Variants in ELP4 observed in about 807,000 individuals in gnomAD.
The protein encoded by ELP4 is elongator complex protein 4.
A neutral mutation model predicts 48.9 loss-of-function variants in ELP4; 51 were observed. The observed-to-expected ratio is 1.04, with a 90% confidence interval of 0.83 to 1.32. ELP4 has a LOEUF of 1.32. ELP4 is among the 40% of genes most tolerant of loss of function. The probability of loss-of-function intolerance (pLI) is 0.00; values close to 1 mark genes in which losing one functional copy is unlikely to be tolerated. For synonymous variants in ELP4, 210 were observed against 189.2 expected (o/e 1.11, Z -0.90); for missense variants, 519 against 514.6 (o/e 1.01, Z -0.08).
chr11:31,705,495 T>C (rs1462391370), intron 9 of ELP4, among the ~76,000 whole-genome samples: 1 of 152,240 alleles, frequency 6.6e-6, no homozygotes, highest in Non-Finnish European at 1.5e-5. Flanking sequence ...CTAGGAACTT[T>C]GGATTGCGAC....
At chr11:31,728,416 C>T (rs1261832349) in intron 9 of ELP4, among the ~76,000 whole-genome samples, 3 of 152,062 alleles carry the variant, frequency 2.0e-5, no homozygotes, top group Non-Finnish European at 4.4e-5. Flanking sequence ...TATATAGATA[C>T]TATTAGAAAG....
intron 2 of ELP4, among the ~76,000 whole-genome samples, chr11:31,536,750 T>C (rs1956508235): frequency 6.6e-6 from 1 of 152,248 alleles, no homozygotes; most frequent in Non-Finnish European, 1.5e-5. Context: ...TGAACATCTT[T>C]TAATATGTTT....
intron 9 of ELP4, among the ~76,000 whole-genome samples, chr11:31,710,258 A>G (rs1376900045): frequency 6.6e-6 from 1 of 152,204 alleles, no homozygotes; most frequent in Non-Finnish European, 1.5e-5. Context: ...AAAATGAACA[A>G]GATTTGTATG....
At chr11:31,672,517 C>T (rs970146958) in intron 9 of ELP4, among the ~76,000 whole-genome samples, 2 of 152,184 alleles carry the variant, frequency 1.3e-5, no homozygotes, top group Non-Finnish European at 2.9e-5. Flanking sequence ...AAGCCAAGCA[C>T]GGTGGTTCCC....
chr11:31,533,368 C>CTTTTTTTTTTTTTTTTTTTTT lies in ELP4; in HGVS notation c.260-6287_260-6267dup, dbSNP rs71060492. Among the ~76,000 whole-genome samples, 185 of 50,476 alleles carry CTTTTTTTTTTTTTTTTTTTTT rather than the reference C, an allele frequency of 3.7e-3. 33 individuals are homozygous for CTTTTTTTTTTTTTTTTTTTTT. Among genetic ancestry groups the CTTTTTTTTTTTTTTTTTTTTT allele is most frequent in the African/African-American group, 4.6e-3 (55 of 11,900 alleles). The allele number at this position is 50,476 out of a possible 152,430, so 33.1% of individuals were successfully genotyped here. The stretch of plus-strand genomic sequence containing the variant: ...GTGTTGCTGCAAAAGCCATCTCATT[C>CTTTTTTTTTTTTTTTTTTTTT]TTTTTTTTTTTTTTTTTTTTTTTTT... On this transcript the variant is annotated intron_variant, in intron 2 of 9. Coordinates refer to ENST00000640961, the MANE Select transcript of ELP4 (RefSeq NM_019040.5).
chr11:31,766,649 T>TA (rs1166073122), intron 9 of ELP4, among the ~76,000 whole-genome samples: 3 of 152,034 alleles, frequency 2.0e-5, no homozygotes, highest in Admixed American at 1.3e-4. Flanking sequence ...ACAAGACAGG[T>TA]AATAGATTTA....
At chr11:31,567,294 C>T (rs1228854653) in intron 3 of ELP4, among the ~76,000 whole-genome samples, 1 of 152,156 alleles carries the variant, frequency 6.6e-6, no homozygotes, top group East Asian at 1.9e-4. Flanking sequence ...ACATTGACAT[C>T]CATCCTGCAA....
chr11:31,657,500 T>C (rs964111), intron 9 of ELP4, among the ~76,000 whole-genome samples: 24,687 of 152,006 alleles, frequency 0.16, 2,206 homozygotes, highest in East Asian at 0.3. Context: ...ATCCTGAGTA[T>C]GTGTAATAGG....
In ELP4 at chr11:31,776,508, G is replaced by A. The variant is rs149830983; in HGVS notation, c.1144-6885G>A. Among the ~76,000 whole-genome samples the A allele has an allele frequency of 5.3e-5, 8 of 152,352 alleles. No homozygotes were observed. The East Asian group carries it at 1.5e-3, about 29-fold the overall frequency. ...AGAAATTCTTGTACTCTCTGAAAAG[G>A]AGAATAGATTTTGGGAGTAAACTGG... On this transcript the variant is annotated intron_variant, in intron 9 of 9. Transcript: ENST00000640961.
chr11:31,681,741 C>CA (rs1554970041), intron 9 of ELP4: 1 of 141,946 alleles, frequency 7.0e-6, no homozygotes, highest in Non-Finnish European at 1.5e-5. Flanking sequence ...TATTTCTTTC[C>CA]TTTTTTTTTT....
intron 9 of ELP4, among the ~76,000 whole-genome samples, chr11:31,672,052 T>A (rs1945821186): frequency 6.6e-6 from 1 of 151,768 alleles, no homozygotes; most frequent in East Asian, 1.9e-4. Context: ...AGAAGGTCGA[T>A]GAGGGGGCTG....
At position 31,682,633 on chromosome 11, in the gene ELP4, G is replaced by A. The variant is rs1228579233; in HGVS notation, c.1143+32412G>A. 6.6e-5 allele frequency among the ~76,000 whole-genome samples: 10 copies of A among 152,110 alleles called. No individual in the cohort carries two copies. The East Asian group carries it at 7.7e-4, about 12-fold the overall frequency. On this transcript the variant is annotated intron_variant, in intron 9 of 9. Transcript: ENST00000640961. ...AGTATAAGAAATACTACCATGTGCC[G>A]GGCCTTTTGTGAATATACAAATATG...
At chr11:31,528,796 G>A (rs1473720584) in intron 2 of ELP4, among the ~76,000 whole-genome samples, 1 of 152,032 alleles carries the variant, frequency 6.6e-6, no homozygotes, top group Non-Finnish European at 1.5e-5. Flanking sequence ...ATGACTTTTA[G>A]GTACTAGTGA....
chr11:31,669,936 A>G (rs1182714262), intron 9 of ELP4, among the ~76,000 whole-genome samples: 4 of 152,106 alleles, frequency 2.6e-5, no homozygotes, highest in Admixed American at 1.3e-4. Context: ...ATCAACCTAG[A>G]ATTGTTTTTC....
intron 9 of ELP4, chr11:31,662,739 G>A (rs907791443): frequency 2.5e-6 from 1 of 392,364 alleles, no homozygotes; most frequent in African/African-American, 2.1e-5. Context: ...GTCATTTGCT[G>A]TGTAATTTGC....
At chr11:31,674,976 A>T (rs944778607) in intron 9 of ELP4, among the ~76,000 whole-genome samples, 1 of 152,060 alleles carries the variant, frequency 6.6e-6, no homozygotes, top group African/African-American at 2.4e-5. Flanking sequence ...AAGTGTGCGC[A>T]TGTTTGTACA....
intron 5 of ELP4, among the ~76,000 whole-genome samples, chr11:31,604,509 C>G (rs948461643): frequency 1.3e-5 from 2 of 151,744 alleles, no homozygotes; most frequent in Admixed American, 6.6e-5. Context: ...AGACAAAACT[C>G]TGAAAATTAC....
At chr11:31,747,184 A>T (rs1433476312) in intron 9 of ELP4, among the ~76,000 whole-genome samples, 1 of 152,166 alleles carries the variant, frequency 6.6e-6, no homozygotes, top group Non-Finnish European at 1.5e-5. Flanking sequence ...ACATGGAAAG[A>T]GAGAATACAA....
At position 31,546,697 on chromosome 11, in the gene ELP4, A is replaced by G. The variant is rs2133919161; in HGVS notation, c.381+6914A>G. 1.3e-5 allele frequency among the ~76,000 whole-genome samples: 2 copies of G among 152,124 alleles called. 1 individual carries two copies. The highest frequency in any genetic ancestry group is 3.9e-4 in the East Asian group (2 of 5,162). Reference sequence around the variant, plus strand: ...CAGAATATACATTTTTTTCAGCACCACACCACACCTATTCCAAAATTGACC... The same window carrying G: ...CAGAATATACATTTTTTTCAGCACCGCACCACACCTATTCCAAAATTGACC... On this transcript the variant is annotated intron_variant, in intron 3 of 9. Coordinates refer to ENST00000640961, the MANE Select transcript of ELP4 (RefSeq NM_019040.5).
Sources: allele counts gnomAD v4.1 joint callset (sites outside exome capture counted in the v4.1 genomes callset), GRCh38; gene constraint gnomAD v4.1.1; transcripts MANE v1.5; gene names NCBI Gene and HGNC (gene_info 2026-07-23, HGNC 2026-07-21).